ROBO2: variants seen among roughly 807,000 people sequenced by gnomAD.
ROBO2 encodes the protein roundabout homolog 2.
A neutral mutation model predicts 160.8 loss-of-function variants in ROBO2; 53 were observed. The observed-to-expected ratio is 0.33, with a 90% CI of 0.26 to 0.41. The LOEUF (loss-of-function observed/expected upper bound fraction) is 0.41. Ranked by LOEUF, ROBO2 falls within the 10% of genes least tolerant of loss-of-function variation. ROBO2 has a pLI of 1.00. For missense variants in ROBO2, 1,577 were observed against 1,722.4 expected (o/e 0.92, Z 1.49); for synonymous variants, 664 against 611.7 (o/e 1.09, Z -1.26).
intron 21 of ROBO2, among the ~76,000 whole-genome samples, chr3:77,616,410 T>A (rs1284194601): frequency 1.3e-5 from 2 of 152,084 alleles, no homozygotes; most frequent in African/African-American, 4.8e-5. Flanking sequence ...CTGAATAATT[T>A]TAGGCTTAAG....
At position 76,591,161 on chromosome 3, in the gene ROBO2, T is replaced by C. The variant is rs575432040; in HGVS notation, c.110-506853T>C. 9.2e-5 allele frequency among the ~76,000 whole-genome samples: 14 copies of C among 152,196 alleles called. No individual in the cohort carries two copies. In the East Asian group the frequency reaches 2.3e-3, roughly 25 times the overall value. On this transcript the variant is annotated intron_variant, in intron 2 of 26. Coordinates refer to the ROBO2 transcript ENST00000487694. Reference sequence around the variant, plus strand: ...ACAGTGAATTAGCACATATTTTGTATGGTATATGTGTTATATATTGGATTA... The same window carrying C: ...ACAGTGAATTAGCACATATTTTGTACGGTATATGTGTTATATATTGGATTA...
intron 2 of ROBO2, among the ~76,000 whole-genome samples, chr3:76,802,814 G>A (rs781427793): frequency 2.6e-5 from 4 of 151,810 alleles, no homozygotes; most frequent in Non-Finnish European, 5.9e-5. Context: ...AATGACTGTA[G>A]TAATAATGCA....
intron 6 of ROBO2, among the ~76,000 whole-genome samples, chr3:77,543,205 C>A (rs1413582377): frequency 2.6e-5 from 4 of 152,072 alleles, no homozygotes; most frequent in Non-Finnish European, 2.9e-5. Flanking sequence ...ACTCTTTCTC[C>A]CCCAGTGCCA....
chr3:77,609,062 A>T (rs556062402), intron 21 of ROBO2, among the ~76,000 whole-genome samples: 1 of 151,776 alleles, frequency 6.6e-6, no homozygotes, highest in East Asian at 1.9e-4. Flanking sequence ...AATAAAATAT[A>T]TATACATATA....
At chr3:76,211,797 A>G (rs1402919086) in intron 2 of ROBO2, among the ~76,000 whole-genome samples, 4 of 152,066 alleles carry the variant, frequency 2.6e-5, no homozygotes, top group Non-Finnish European at 4.4e-5. Flanking sequence ...TCAGCTGTTG[A>G]TATAAATTCA....
At chr3:77,483,629 C>G (rs1389636696) in intron 4 of ROBO2, among the ~76,000 whole-genome samples, 1 of 150,912 alleles carries the variant, frequency 6.6e-6, no homozygotes, top group East Asian at 1.9e-4. Flanking sequence ...TTTTAAAGGT[C>G]CTTTGCAGTT....
At chr3:77,420,389 A>G (rs2077609606) in intron 2 of ROBO2, among the ~76,000 whole-genome samples, 1 of 152,120 alleles carries the variant, frequency 6.6e-6, no homozygotes, top group African/African-American at 2.4e-5. Context: ...ATGAAATAAA[A>G]TAAGGTAGAT....
At chr3:76,728,837 C>A (rs773841592) in intron 2 of ROBO2, among the ~76,000 whole-genome samples, 6 of 152,152 alleles carry the variant, frequency 3.9e-5, no homozygotes, top group African/African-American at 1.2e-4. Flanking sequence ...TTGATAAAAA[C>A]GTTTCCCCAT....
Position 76,945,618 on chromosome 3 carries a change from A to G in ROBO2, c.110-152396A>G, listed in dbSNP as rs193206791. Among the ~76,000 whole-genome samples, 257 of 152,354 alleles carry G rather than the reference A, an allele frequency of 1.7e-3. 1 individual carries two copies. The highest frequency in any genetic ancestry group is 5.2e-3 in the African/African-American group (218 of 41,580). ...TGAAGTCGTTTCACCGCTCACTGAT[A>G]CAATTAGTTGTTTAATACTTTTTCC... On this transcript the variant is annotated intron_variant, in intron 2 of 26. Transcript: ENST00000487694.
chr3:76,301,280 A>G (rs1384329713), intron 2 of ROBO2, among the ~76,000 whole-genome samples: 2 of 152,136 alleles, frequency 1.3e-5, no homozygotes, highest in Non-Finnish European at 2.9e-5. Context: ...TTAAAGAATC[A>G]TTTCGATGAA....
chr3:77,115,301 A>C (rs1383634115), intron 2 of ROBO2, among the ~76,000 whole-genome samples: 1 of 152,232 alleles, frequency 6.6e-6, no homozygotes, highest in Non-Finnish European at 1.5e-5. Context: ...AAGAATATTT[A>C]GAAAGCTTAA....
intron 2 of ROBO2, among the ~76,000 whole-genome samples, chr3:77,367,739 A>T (rs903714054): frequency 6.6e-6 from 1 of 152,110 alleles, no homozygotes; most frequent in African/African-American, 2.4e-5. Context: ...AGCTTCCAGA[A>T]CTTTATTCTG....
chr3:76,112,187 A>C (rs533556803), intron 2 of ROBO2, among the ~76,000 whole-genome samples: 86 of 152,166 alleles, frequency 5.7e-4, no homozygotes, highest in Admixed American at 2.1e-3. Flanking sequence ...ATATTTTCCT[A>C]TCTCTTAGGA....
chr3:76,359,822 C>T (rs770200682), intron 2 of ROBO2, among the ~76,000 whole-genome samples: 1 of 151,806 alleles, frequency 6.6e-6, no homozygotes, highest in African/African-American at 2.4e-5. Context: ...AGTGATTGTA[C>T]TCTTTAAAGA....
At chr3:77,372,432 T>C (rs970475254) in intron 2 of ROBO2, among the ~76,000 whole-genome samples, 4 of 152,154 alleles carry the variant, frequency 2.6e-5, no homozygotes, top group African/African-American at 9.7e-5. Context: ...ATGCCATTTA[T>C]AGTTTGTAGG....
chr3:76,837,350 A>G (rs1164440978), intron 2 of ROBO2, among the ~76,000 whole-genome samples: 1 of 151,974 alleles, frequency 6.6e-6, no homozygotes. Flanking sequence ...TAAGGAATTT[A>G]TAAGAAAATA....
In ROBO2 at chr3:77,395,923, C is replaced by CT. The variant is rs969122587; in HGVS notation, c.389-81482dup. Among the ~76,000 whole-genome samples the CT allele has an allele frequency of 1.9e-4, 29 of 150,582 alleles. 1 individual carries two copies. Among genetic ancestry groups the CT allele is most frequent in the Middle Eastern group, 6.9e-3 (2 of 290 alleles). On this transcript the variant is annotated intron_variant, in intron 2 of 25. Coordinates refer to ENST00000461745, the Ensembl canonical transcript of ROBO2. ...TGTTAGAGAATTCAGACCTGCCCCC[C>CT]TTTTTTTTTAACTTAATTGTGGAAG...
chr3:77,547,670 CT>C (rs1231910666), intron 7 of ROBO2, among the ~76,000 whole-genome samples: 2 of 152,000 alleles, frequency 1.3e-5, no homozygotes, highest in African/African-American at 4.8e-5. Flanking sequence ...GACAAATGGC[CT>C]TTTATTCCTC....
At chr3:76,041,327 AT>A (rs1216767453) in intron 2 of ROBO2, among the ~76,000 whole-genome samples, 1 of 151,902 alleles carries the variant, frequency 6.6e-6, no homozygotes, top group Admixed American at 6.5e-5. Flanking sequence ...TTTAGATTGT[AT>A]TTTTTCTGAG....
Sources: gnomAD v4.1 joint callset for allele counts (sites outside exome capture counted in the v4.1 genomes callset) on GRCh38, gnomAD v4.1.1 for gene constraint, MANE v1.5 for transcripts, NCBI Gene and HGNC (gene_info 2026-07-23, HGNC 2026-07-21) for gene names.